Variants in EXTL3 observed in about 807,000 individuals in gnomAD.
EXTL3 encodes the protein exostosin like glycosyltransferase 3.
Under a neutral mutation model 69.3 loss-of-function variants are expected in EXTL3, and 27 were observed. The ratio of observed to expected loss-of-function variants is 0.39; its 90% CI spans 0.29 to 0.54. EXTL3 has a LOEUF of 0.54. Ranked by LOEUF, EXTL3 falls within the 20% of genes least tolerant of loss-of-function variation. EXTL3 has a pLI of 0.69. For synonymous variants in EXTL3, 511 were observed against 499.4 expected (o/e 1.02, Z -0.31); for missense variants, 1,003 against 1,231.8 (o/e 0.81, Z 2.78).
At chr8:28,723,971 AT>A (rs898462163) in intron 3 of EXTL3, among the ~76,000 whole-genome samples, 15 of 147,172 alleles carry the variant, frequency 1.0e-4, no homozygotes, top group South Asian at 6.5e-4. Context: ...ATAGATATGT[AT>A]TTTTTTTCTT....
chr8:28,726,183 T>C (rs944350261), intron 3 of EXTL3, among the ~76,000 whole-genome samples: 1 of 152,134 alleles, frequency 6.6e-6, no homozygotes, highest in African/African-American at 2.4e-5. Context: ...CTGGATCTCT[T>C]GACCTTGTGA....
chr8:28,618,021 T>C (rs1040904115), upstream of EXTL3, among the ~76,000 whole-genome samples: 1 of 152,166 alleles, frequency 6.6e-6, no homozygotes, highest in African/African-American at 2.4e-5. Context: ...CTTTAATAGA[T>C]ACGGAGTTTA....
chr8:28,731,234 T>C lies in EXTL3; in HGVS notation c.2160T>C (p.Thr720=). Reference sequence around the variant, plus strand: ...CTTCCTCATCACAGGTGGTCCGTACTGAGAAGAACAGTTTGAACAACCGAT... The same window carrying C: ...CTTCCTCATCACAGGTGGTCCGTACCGAGAAGAACAGTTTGAACAACCGAT... ...DIGVPIMVVR[T]EKNSLNNRFL... Residue 720 remains threonine (T), a synonymous_variant, in exon 4 of 7, where the codon ACT becomes ACC. Transcript: ENST00000220562. 3.1e-6 allele frequency: 5 copies of C among 1,614,204 alleles called. No homozygotes were observed. Among genetic ancestry groups the C allele is most frequent in the Non-Finnish European group, 4.2e-6 (5 of 1,180,024 alleles).
intron 3 of EXTL3, among the ~76,000 whole-genome samples, chr8:28,730,555 C>T (rs188527706): frequency 6.6e-6 from 1 of 152,298 alleles, no homozygotes; most frequent in Non-Finnish European, 1.5e-5. Context: ...GCACCAGTTT[C>T]TGTTTTATGA....
At chr8:28,692,383 G>T (rs748582520) in intron 1 of EXTL3, among the ~76,000 whole-genome samples, 30 of 152,166 alleles carry the variant, frequency 2.0e-4, no homozygotes, top group Non-Finnish European at 3.8e-4. Flanking sequence ...GACCCTACTA[G>T]AATCATGCTG....
Position 28,651,065 on chromosome 8 carries a change from A to G in EXTL3, c.-53+28255A>G, listed in dbSNP as rs557408492. Among the ~76,000 whole-genome samples, 24 of 151,872 alleles carry G rather than the reference A, an allele frequency of 1.6e-4. No homozygotes were observed. In the South Asian group the frequency reaches 4.8e-3, roughly 30 times the overall value. ...AGATCTTTGATTTTTTGGATTTTGG[A>G]ATATTTGCACTGTTACCGGATTAAG... On this transcript the variant is annotated intron_variant, in intron 1 of 6. Transcript: ENST00000523149.
In EXTL3 at chr8:28,717,695, C is replaced by T. The variant is rs759698175; in HGVS notation, c.1636C>T (p.Arg546Trp). 6 of 1,614,094 alleles carry T rather than the reference C, an allele frequency of 3.7e-6. No homozygotes were observed. Among genetic ancestry groups the T allele is most frequent in the East Asian group, 4.5e-5 (2 of 44,894 alleles). ...CATCCAGATCCCAGCCGCTCCCATCCGGGAAGAGGCGGCAGCTGAGATCCC... is the reference window on the plus strand; with the variant it reads ...CATCCAGATCCCAGCCGCTCCCATCTGGGAAGAGGCGGCAGCTGAGATCCC... ...TRIQIPAAPI[R>W]EEAAAEIPHR... Residue 546 changes from arginine to tryptophan, a missense_variant, in exon 3 of 7, where the codon CGG becomes TGG. By Grantham distance (101) the Arg-to-Trp change is moderately radical (BLOSUM62 -3). Transcript: ENST00000220562. This position sits in a 1 kb window ranked among gnomAD's most constrained non-coding sequence, Gnocchi z 8.3.
At chr8:28,723,268 C>G (rs1215522212) in intron 3 of EXTL3, among the ~76,000 whole-genome samples, 1 of 152,154 alleles carries the variant, frequency 6.6e-6, no homozygotes, top group Non-Finnish European at 1.5e-5. Context: ...TGGTGCACTT[C>G]ACTAGGAGCT....
At chr8:28,646,474 A>C (rs1367048422) in intron 1 of EXTL3, among the ~76,000 whole-genome samples, 1 of 152,152 alleles carries the variant, frequency 6.6e-6, no homozygotes, top group Non-Finnish European at 1.5e-5. Context: ...TTTGTCCAGC[A>C]ACTCTCTGTG....
At chr8:28,711,676 G>A (rs1801034107) in intron 1 of EXTL3, among the ~76,000 whole-genome samples, 1 of 152,136 alleles carries the variant, frequency 6.6e-6, no homozygotes, top group African/African-American at 2.4e-5. Context: ...TTCTCTCTCT[G>A]TAGTTTATAA....
intron 1 of EXTL3, among the ~76,000 whole-genome samples, chr8:28,630,755 G>A (rs1806559450): frequency 6.6e-6 from 1 of 152,216 alleles, no homozygotes; most frequent in African/African-American, 2.4e-5. Context: ...CTGCCATTGA[G>A]AGGCTTATAA....
chr8:28,688,571 T>C (rs924390776), intron 1 of EXTL3, among the ~76,000 whole-genome samples: 17 of 152,210 alleles, frequency 1.1e-4, no homozygotes, highest in Non-Finnish European at 2.9e-5. Context: ...TTATGTAATA[T>C]GCCCAGGGTG....
chr8:28,669,555 C>G (rs576774695), intron 1 of EXTL3, among the ~76,000 whole-genome samples: 1 of 152,234 alleles, frequency 6.6e-6, no homozygotes, highest in African/African-American at 2.4e-5. Flanking sequence ...GTGTGTTGTG[C>G]AAACTAAGGG....
chr8:28,756,257 C>T (rs569439522), downstream of EXTL3, among the ~76,000 whole-genome samples: 7 of 152,344 alleles, frequency 4.6e-5, no homozygotes, highest in South Asian at 2.1e-4. Context: ...TCAGTCCCCA[C>T]GTCCTCCATC....
intron 2 of EXTL3, among the ~76,000 whole-genome samples, chr8:28,614,272 C>CTTT (rs35659799): frequency 1.3e-4 from 14 of 104,856 alleles, no homozygotes; most frequent in East Asian, 2.5e-4. Context: ...GGGTTTTTTG[C>CTTT]TTTTTTTTTT....
chr8:28,613,508 G>A (rs984926553), intron 2 of EXTL3, among the ~76,000 whole-genome samples: 2 of 152,100 alleles, frequency 1.3e-5, no homozygotes, highest in Admixed American at 6.6e-5. Flanking sequence ...AGAATGAAAT[G>A]GGAAGTACTC....
At chr8:28,698,394 C>T (rs1800718179), upstream of EXTL3, 1 of 152,180 alleles carries the variant, frequency 6.6e-6, no homozygotes, top group East Asian at 1.9e-4. Context: ...GTCCCGTGTC[C>T]TTTGCTCCAT....
chr8:28,619,266 TA>T (rs755355444), upstream of EXTL3, among the ~76,000 whole-genome samples: 2 of 64,654 alleles, frequency 3.1e-5, no homozygotes, highest in Non-Finnish European at 5.5e-5. Flanking sequence ...AGCTTAGTGA[TA>T]AAAAAAAAAA....
intron 3 of EXTL3, among the ~76,000 whole-genome samples, chr8:28,726,311 ATAGT>A (rs1801411974): frequency 6.6e-6 from 1 of 152,150 alleles, no homozygotes; most frequent in South Asian, 2.1e-4. Context: ...AGAATGGATA[ATAGT>A]TGGTTTGCTG....
Sources: gnomAD v4.1 joint callset for allele counts (sites outside exome capture counted in the v4.1 genomes callset) on GRCh38, gnomAD v4.1.1 for gene constraint, Gnocchi (gnomAD v3.1) non-coding constraint, MANE v1.5 for transcripts, NCBI Gene and HGNC (gene_info 2026-07-23, HGNC 2026-07-21) for gene names.